Variants in DNAH6 observed in about 807,000 individuals in gnomAD.
The protein encoded by DNAH6 is axonemal beta dynein heavy chain 6.
Under a neutral mutation model 491.4 loss-of-function variants are expected in DNAH6, and 340 were observed. The observed-to-expected ratio is 0.69, with a 90% confidence interval of 0.63 to 0.76. The LOEUF (loss-of-function observed/expected upper bound fraction) is 0.76. Ranked by LOEUF, DNAH6 falls within the 30% of genes least tolerant of loss-of-function variation. DNAH6 has a pLI of 0.00. For missense variants in DNAH6, 4,443 were observed against 4,972.2 expected, an observed-to-expected ratio of 0.89 and a Z score of 3.20; for synonymous variants, 1,603 against 1,686.1, an observed-to-expected ratio of 0.95 and a Z score of 1.21.
intron 15 of DNAH6, among the ~76,000 whole-genome samples, chr2:84,585,763 C>T (rs1269674883): frequency 1.3e-5 from 2 of 152,210 alleles, no homozygotes; most frequent in African/African-American, 4.8e-5. Flanking sequence ...GGTAGCTGCC[C>T]TCTGCAGCTG....
chr2:84,461,068 AG>A, the DNAH6 span, among the ~76,000 whole-genome samples: 1 of 152,176 alleles, frequency 6.6e-6, no homozygotes, highest in East Asian at 1.9e-4. Context: ...GTGATTTAGC[AG>A]GGGATAAGAT....
At position 84,562,579 on chromosome 2, in the gene DNAH6, G is replaced by A. The variant is rs181508794; in HGVS notation, c.1803+4644G>A. ...ATGCTATGATTTGCTAAGAGACCTC[G>A]CAGGACTCAGTGTATAATTTTACTC... is the stretch of plus-strand genomic sequence containing the variant. On this transcript the variant is annotated intron_variant, in intron 11 of 76. Transcript: ENST00000389394. Among the ~76,000 whole-genome samples the A allele has an allele frequency of 1.2e-3, 178 of 152,254 alleles. 5 individuals carry two copies. The South Asian group carries it at 0.031, about 27-fold the overall frequency.
rs1252302272 is a variant in DNAH6 at position 84,814,072 on chromosome 2, G to C, written c.12100G>C (p.Glu4034Gln). The part of the protein sequence containing the change: ...PTYRDQAAVI[E>Q]AAKTVQFGQE... ...CTATCGGGATCAAGCTGCAGTGATAGAAGCTGCCAAGACAGTGCAATTTGG... is the reference window on the plus strand; with the variant it reads ...CTATCGGGATCAAGCTGCAGTGATACAAGCTGCCAAGACAGTGCAATTTGG... Residue 4034 changes from glutamate to glutamine, a missense_variant, in exon 75 of 77, where the codon GAA (glutamate) becomes CAA (glutamine). Transcript: ENST00000389394. The C allele has an allele frequency of 1.3e-6, 2 of 1,551,740 alleles. No homozygotes were observed. The highest frequency in any genetic ancestry group is 1.7e-6 in the Non-Finnish European group (2 of 1,146,994).
intron 12 of DNAH6, 29 bp downstream of exon 12, chr2:84,573,616 AT>A (rs1216775992): frequency 1.3e-6 from 2 of 1,515,694 alleles, no homozygotes; most frequent in Admixed American, 2.6e-5. Context: ...CTTACTAATT[AT>A]TTTTATAGGG....
chr2:84,735,287 C>G (rs1351235430), intron 62 of DNAH6, among the ~76,000 whole-genome samples: 1 of 152,108 alleles, frequency 6.6e-6, no homozygotes, highest in East Asian at 1.9e-4. Flanking sequence ...TTTTCTTTGT[C>G]CAGTTCACTG....
Position 84,596,386 on chromosome 2 carries a change from C to A in DNAH6, c.2868+597C>A, listed in dbSNP as rs1225964746. ...TTGCCCAGGTTGGAATGCAGTGGCA[C>A]GATCTCGGCTCACTGCAACCTCGGC... On this transcript the variant is annotated intron_variant, in intron 18 of 76. Coordinates refer to ENST00000389394, the MANE Select transcript of DNAH6 (RefSeq NM_001370.2). 2.0e-5 allele frequency among the ~76,000 whole-genome samples: 3 copies of A among 152,180 alleles called. No homozygotes were observed. In the East Asian group the frequency reaches 5.8e-4, roughly 29 times the overall value.
At chr2:84,557,259 A>C (rs1229604473) in intron 10 of DNAH6, among the ~76,000 whole-genome samples, 2 of 152,190 alleles carry the variant, frequency 1.3e-5, no homozygotes, top group Non-Finnish European at 2.9e-5. Context: ...AGTTAGGGCC[A>C]TGTCTTTTGA....
rs896128115 is a variant in DNAH6 at position 84,531,916 on chromosome 2, T to A, written c.662+2750T>A. ...TCTTTGTAAGTTTTTGGTGAAGAAC[T>A]TGTAGATCTTAAGTGGAAACTGATG... On this transcript the variant is annotated intron_variant, in intron 4 of 76. Transcript: ENST00000389394. Among the ~76,000 whole-genome samples the A allele has an allele frequency of 7.9e-5, 12 of 152,236 alleles. 1 individual carries two copies. In the Middle Eastern group the frequency reaches 0.014, roughly 173 times the overall value.
At chr2:84,733,993 T>G (rs532796169) in intron 62 of DNAH6, among the ~76,000 whole-genome samples, 1 of 149,754 alleles carries the variant, frequency 6.7e-6, no homozygotes, top group African/African-American at 2.5e-5. Flanking sequence ...ATCACCAAGA[T>G]CAAGAAATAG....
chr2:84,478,868 G>A, the DNAH6 span, among the ~76,000 whole-genome samples: 4 of 152,106 alleles, frequency 2.6e-5, no homozygotes, highest in Non-Finnish European at 4.4e-5. Flanking sequence ...GTAAATGAGG[G>A]GAATTTTACT....
chr2:84,694,840 G>T (rs981764107), intron 46 of DNAH6, among the ~76,000 whole-genome samples: 6 of 152,162 alleles, frequency 3.9e-5, no homozygotes, highest in Non-Finnish European at 7.4e-5. Flanking sequence ...AAAGGAAAAA[G>T]TAAGGGCTAT....
At chr2:84,606,854 G>C in intron 20 of DNAH6, 122 bp from the exon 21 acceptor site, 1 of 974,000 alleles carries the variant, frequency 1.0e-6, no homozygotes, top group Non-Finnish European at 1.5e-6. Context: ...AACAGTAAGA[G>C]GGGCTAAGCT....
Position 84,727,820 on chromosome 2 carries a change from G to T in DNAH6, c.10124G>T (p.Cys3375Phe). 1 of 1,552,070 alleles carries T rather than the reference G, an allele frequency of 6.4e-7. No homozygotes were observed. Among genetic ancestry groups the T allele is most frequent in the East Asian group, 2.4e-5 (1 of 40,914 alleles). Reference protein sequence around the residue: ...QHKLIYSFMLCVEMMRQQGTL... With the variant: ...QHKLIYSFMLFVEMMRQQGTL... ...AAACTCATCTACAGCTTTATGCTTT[G>T]TGTTGAGATGATGCGTCAGCAAGGA... The change falls in exon 61 of 77, where the codon TGT (cysteine) becomes TTT (phenylalanine). Residue 3375 changes from cysteine (C) to phenylalanine (F), a missense_variant. Cys to Phe is a radical substitution (Grantham distance 205). Around this residue, in one of 3 missense-constraint regions of DNAH6, gnomAD observed 1,463 missense variants for 1,656.6 expected, o/e 0.88. Coordinates refer to ENST00000389394, the MANE Select transcript of DNAH6 (RefSeq NM_001370.2).
chr2:84,476,787 T>C, the DNAH6 span, among the ~76,000 whole-genome samples: 1 of 152,178 alleles, frequency 6.6e-6, no homozygotes, highest in East Asian at 1.9e-4. Context: ...CACTACAGAG[T>C]GTTAACAAAT....
At chr2:84,563,292 T>C (rs912002467) in intron 11 of DNAH6, among the ~76,000 whole-genome samples, 4 of 152,230 alleles carry the variant, frequency 2.6e-5, no homozygotes, top group Non-Finnish European at 5.9e-5. Context: ...TTTAAGTTCT[T>C]TGAGAAATCT....
intron 57 of DNAH6, among the ~76,000 whole-genome samples, chr2:84,714,391 G>A (rs1697331358): frequency 2.0e-5 from 3 of 152,078 alleles, no homozygotes. Context: ...CCACTGCCAG[G>A]GCTCATGTCC....
chr2:84,474,042 T>G, the DNAH6 span, among the ~76,000 whole-genome samples: 3 of 152,196 alleles, frequency 2.0e-5, no homozygotes, highest in Admixed American at 6.5e-5. Flanking sequence ...TTATTATTTA[T>G]GGCGGGAACA....
Position 84,697,373 on chromosome 2 carries a change from T to A in DNAH6, c.7525-202T>A, listed in dbSNP as rs542473340. The stretch of plus-strand genomic sequence containing the variant: ...TGACTTGACCAAGGTAAAATGGGAA[T>A]GCCTGCTAAGAAACAAAACACAAAG... On this transcript the variant is annotated intron_variant, in intron 46 of 76. Coordinates refer to ENST00000389394, the MANE Select transcript of DNAH6 (RefSeq NM_001370.2). 2.0e-5 allele frequency among the ~76,000 whole-genome samples: 3 copies of A among 152,280 alleles called. No homozygotes were observed. The South Asian group carries it at 6.2e-4, about 32-fold the overall frequency.
chr2:84,772,820 T>G (rs187222088), intron 64 of DNAH6, among the ~76,000 whole-genome samples: 78 of 152,150 alleles, frequency 5.1e-4, no homozygotes, highest in Admixed American at 1.8e-3. Flanking sequence ...TATAGAACAC[T>G]GTACCCAACA....
Sources: gnomAD v4.1 joint callset for allele counts (sites outside exome capture counted in the v4.1 genomes callset) on GRCh38, gnomAD v4.1.1 for gene constraint, gnomAD v4.1.1 regional missense constraint, MANE v1.5 for transcripts, NCBI Gene and HGNC (gene_info 2026-07-23, HGNC 2026-07-21) for gene names.